The following ZBTB43 variants were observed in gnomAD, a reference collection of about 807,000 sequenced individuals.
ZBTB43 encodes the protein zinc finger and BTB domain-containing protein 43.
A neutral mutation model predicts 31.1 loss-of-function variants in ZBTB43; 6 were observed. The observed-to-expected ratio is 0.19, with a 90% CI of 0.11 to 0.38. The LOEUF (loss-of-function observed/expected upper bound fraction) is 0.38. Ranked by LOEUF, ZBTB43 falls within the 10% of genes least tolerant of loss-of-function variation. The pLI is 1.00. For missense variants in ZBTB43, 379 were observed against 602.1 expected (o/e 0.63, Z 3.88); for synonymous variants, 212 against 221.7 (o/e 0.96, Z 0.39).
chr9:126,826,426 C>T (rs893310829), intron 2 of ZBTB43, among the ~76,000 whole-genome samples: 4 of 139,832 alleles, frequency 2.9e-5, no homozygotes, highest in African/African-American at 7.7e-5. Context: ...AGATTACAGG[C>T]GTGCGCCACC....
chr9:126,822,781 A>G (rs766148584), intron 2 of ZBTB43, among the ~76,000 whole-genome samples: 4 of 152,052 alleles, frequency 2.6e-5, no homozygotes, highest in African/African-American at 4.8e-5. Flanking sequence ...CAGCCACCCT[A>G]CCGTTCAGCA....
At chr9:126,827,580 C>A (rs907069050) in intron 2 of ZBTB43, among the ~76,000 whole-genome samples, 2 of 152,228 alleles carry the variant, frequency 1.3e-5, no homozygotes, top group African/African-American at 4.8e-5. Flanking sequence ...TGATTTTGAT[C>A]ATTTTTTCAG....
intron 2 of ZBTB43, among the ~76,000 whole-genome samples, chr9:126,813,782 T>C (rs2032302282): frequency 6.6e-6 from 1 of 152,326 alleles, no homozygotes; most frequent in East Asian, 1.9e-4. Context: ...TTGGCCAATT[T>C]TGATACCAGA....
At chr9:126,812,250 G>A (rs970143871) in intron 2 of ZBTB43, among the ~76,000 whole-genome samples, 16 of 151,848 alleles carry the variant, frequency 1.1e-4, no homozygotes, top group Admixed American at 2.6e-4. Flanking sequence ...TCAGTATTTC[G>A]TTCTTTTTTA....
In ZBTB43 at chr9:126,833,817, G is replaced by A; in HGVS notation, c.1308G>A (p.Arg436=). The A allele has an allele frequency of 6.2e-7, 1 of 1,606,412 alleles. No individual in the cohort carries two copies. Among genetic ancestry groups the A allele is most frequent in the African/African-American group, 1.3e-5 (1 of 74,912 alleles). The change falls in exon 3 of 3, where the codon AGG becomes AGA. Residue 436 remains arginine, a synonymous_variant. Coordinates refer to ENST00000373464, the MANE Select transcript of ZBTB43 (RefSeq NM_014007.4). The surrounding 1 kb of genome is among the most constrained non-coding windows in gnomAD (Gnocchi z 7.9). The stretch of plus-strand genomic sequence containing the variant: ...ATGAGTGTAATATCTGTGCAAAGAG[G>A]TTTATGTGGAGGGACAGTTTCCACC... ...KPYECNICAK[R]FMWRDSFHRH...
At chr9:126,810,793 A>G (rs577613482) in intron 2 of ZBTB43, among the ~76,000 whole-genome samples, 3 of 151,550 alleles carry the variant, frequency 2.0e-5, no homozygotes, top group Non-Finnish European at 4.4e-5. Flanking sequence ...GTGAGCCACC[A>G]TGCCTGGCTT....
intron 2 of ZBTB43, among the ~76,000 whole-genome samples, chr9:126,815,338 A>G (rs1006230811): frequency 3.4e-5 from 5 of 144,948 alleles, no homozygotes; most frequent in African/African-American, 1.3e-4. Flanking sequence ...AACTATATAT[A>G]TAGTTTTCAA....
Position 126,817,100 on chromosome 9 carries a change from C to CTTTTTT in ZBTB43, c.-24+8208_-24+8213dup, listed in dbSNP as rs780632905. On this transcript the variant is annotated intron_variant, in intron 2 of 2. Coordinates refer to ENST00000373464, the MANE Select transcript of ZBTB43 (RefSeq NM_014007.4). ...CAACTTGGCCCCATTTCCACTGTAT[C>CTTTTTT]TTTTTTTTTTTTTTTTTTTTTTTTT... is the stretch of plus-strand genomic sequence containing the variant. Among the ~76,000 whole-genome samples the CTTTTTT allele has an allele frequency of 6.1e-3, 339 of 55,350 alleles. 55 individuals are homozygous for CTTTTTT. The highest frequency in any genetic ancestry group is 0.021 in the African/African-American group (293 of 14,112). The allele number at this position is 55,350 out of a possible 152,430, so 36.3% of individuals were successfully genotyped here. A position where few individuals can be genotyped will look rare whatever the true frequency, so the allele number is the denominator to read the frequency against.
At chr9:126,810,873 A>G (rs1016586222) in intron 2 of ZBTB43, among the ~76,000 whole-genome samples, 7 of 152,026 alleles carry the variant, frequency 4.6e-5, no homozygotes, top group Non-Finnish European at 7.4e-5. Flanking sequence ...ATAAAATTAT[A>G]TAGATTATTT....
chr9:126,811,280 A>G (rs1291906984), intron 2 of ZBTB43, among the ~76,000 whole-genome samples: 1 of 151,390 alleles, frequency 6.6e-6, no homozygotes, highest in Non-Finnish European at 1.5e-5. Context: ...CTTAAGCTAT[A>G]GTGGGCCTGA....
intron 2 of ZBTB43, among the ~76,000 whole-genome samples, chr9:126,830,552 A>T (rs2032743294): frequency 6.6e-6 from 1 of 152,188 alleles, no homozygotes; most frequent in African/African-American, 2.4e-5. Flanking sequence ...GGAGGCTGAG[A>T]TGGGAGGATC....
At chr9:126,823,414 T>C (rs1458387711) in intron 2 of ZBTB43, among the ~76,000 whole-genome samples, 2 of 152,250 alleles carry the variant, frequency 1.3e-5, no homozygotes, top group African/African-American at 4.8e-5. Context: ...TCTAATAATA[T>C]AGCCATCTCA....
At chr9:126,821,886 CAG>C (rs536689552) in intron 2 of ZBTB43, among the ~76,000 whole-genome samples, 1 of 151,956 alleles carries the variant, frequency 6.6e-6, no homozygotes, top group Admixed American at 6.6e-5. Flanking sequence ...TTTTTTGAGA[CAG>C]AGTTTCTCTT....
At chr9:126,817,064 G>A (rs1414482718) in intron 2 of ZBTB43, among the ~76,000 whole-genome samples, 1 of 142,272 alleles carries the variant, frequency 7.0e-6, no homozygotes, top group Non-Finnish European at 1.5e-5. Flanking sequence ...TTTCAGGCCA[G>A]TGTTTCCCTT....
intron 2 of ZBTB43, among the ~76,000 whole-genome samples, chr9:126,815,658 C>CTCTTT (rs1554741074): frequency 6.2e-4 from 76 of 122,740 alleles, no homozygotes; most frequent in African/African-American, 2.1e-3. Flanking sequence ...CTCTCTCTCT[C>CTCTTT]TTTTTTTTTT....
Position 126,835,831 on chromosome 9 carries a change from CTG to C in ZBTB43, c.*1922_*1923del, listed in dbSNP as rs1446608526. The C allele has an allele frequency of 6.0e-6, 1 of 166,830 alleles. No homozygotes were observed. Among genetic ancestry groups the C allele is most frequent in the African/African-American group, 2.4e-5 (1 of 41,402 alleles). The allele number at this position is 166,830 out of a possible 1,614,324, so 10.3% of individuals were successfully genotyped here. A position where few individuals can be genotyped will look rare whatever the true frequency, so the allele number is the denominator to read the frequency against. On this transcript the variant is annotated 3_prime_UTR_variant, in exon 3 of 3. Transcript: ENST00000373464. ...ACGTTACTGGTTAGCAGTCTTTTCT[CTG>C]TGTACCTGACACACGTATACTGAGG...
rs1410365975 is a variant in ZBTB43, at chr9:126,834,726, G to A, written c.*813G>A. On this transcript the variant is annotated 3_prime_UTR_variant, in exon 3 of 3. Transcript: ENST00000373464. The stretch of plus-strand genomic sequence containing the variant: ...CCCAAATCCTGTTTGGTTAATTGTA[G>A]CCTCCATACAGTGGGGTCTTCTCTG... 1.2e-5 allele frequency: 2 copies of A among 166,990 alleles called. No homozygotes were observed. The highest frequency in any genetic ancestry group is 2.4e-5 in the African/African-American group (1 of 41,424). 10.3% of individuals were successfully genotyped at this position (166,990 alleles called of 1,614,324 possible).
Position 126,833,793 on chromosome 9 carries a change from T to C in ZBTB43, c.1284T>C (p.Tyr428=), listed in dbSNP as rs1440864624. Residue 428 remains tyrosine (Y), a synonymous_variant, in exon 3 of 3, where the codon TAT becomes TAC. Transcript: ENST00000373464. The surrounding 1 kb of genome is among the most constrained non-coding windows in gnomAD (Gnocchi z 7.9). ...HMKIHTGIKP[Y]ECNICAKRFM... is the part of the protein sequence containing the mutation. The stretch of plus-strand genomic sequence containing the variant: ...AAATTCACACAGGCATAAAGCCGTA[T>C]GAGTGTAATATCTGTGCAAAGAGGT... 1 of 1,611,962 alleles carries C rather than the reference T, an allele frequency of 6.2e-7. No homozygotes were observed. The highest frequency in any genetic ancestry group is 1.3e-5 in the African/African-American group (1 of 75,008).
At chr9:126,832,427 G>A (rs2032783947) in intron 2 of ZBTB43, 60 bp from the exon 3 acceptor site, 1 of 1,452,034 alleles carries the variant, frequency 6.9e-7, no homozygotes, top group Non-Finnish European at 9.3e-7. Flanking sequence ...CAATGGAGGA[G>A]GGGATAAAAT....
Sources: gnomAD v4.1 joint callset for allele counts (sites outside exome capture counted in the v4.1 genomes callset) on GRCh38, gnomAD v4.1.1 for gene constraint, Gnocchi (gnomAD v3.1) non-coding constraint, MANE v1.5 for transcripts, NCBI Gene and HGNC (gene_info 2026-07-23, HGNC 2026-07-21) for gene names.